UBR1: variants seen among roughly 807,000 people sequenced by gnomAD.
The protein encoded by UBR1 is E3 ubiquitin-protein ligase UBR1.
A neutral mutation model predicts 242.1 loss-of-function variants in UBR1; 102 were observed. That is an observed-to-expected ratio of 0.42 (90% CI 0.36 to 0.50). UBR1 has a LOEUF of 0.50. Among genes scored for constraint, UBR1 ranks in the 20% least tolerant of loss-of-function variants. The pLI is 0.01. For missense variants in UBR1, 1,772 were observed against 2,101.8 expected, an observed-to-expected ratio of 0.84 and a Z score of 3.07; for synonymous variants, 675 against 684.8, an observed-to-expected ratio of 0.99 and a Z score of 0.22.
At chr15:43,043,778 A>G (rs556863773) in intron 14 of UBR1, among the ~76,000 whole-genome samples, 30 of 152,324 alleles carry the variant, frequency 2.0e-4, no homozygotes, top group African/African-American at 6.7e-4. Flanking sequence ...TATTTACTAA[A>G]TATGAGTGGA....
At chr15:43,094,317 A>G (rs951436548) in intron 1 of UBR1, among the ~76,000 whole-genome samples, 9 of 152,018 alleles carry the variant, frequency 5.9e-5, no homozygotes, top group African/African-American at 2.2e-4. Context: ...CTGTAGTCCC[A>G]GCTCGGGAGG....
chr15:42,973,148 G>C (rs2032233704), intron 39 of UBR1, among the ~76,000 whole-genome samples: 1 of 152,184 alleles, frequency 6.6e-6, no homozygotes, highest in Non-Finnish European at 1.5e-5. Flanking sequence ...GTGGTGAGGT[G>C]TCTTTTCAAG....
chr15:43,022,934 C>T, intron 25 of UBR1, 133 bp from the exon 26 acceptor site: 1 of 560,610 alleles, frequency 1.8e-6, no homozygotes, highest in South Asian at 2.0e-5. Context: ...GCAATCCTAG[C>T]TTACTGCAGC....
intron 2 of UBR1, among the ~76,000 whole-genome samples, chr15:43,083,442 A>T (rs944426781): frequency 2.6e-5 from 4 of 152,128 alleles, no homozygotes; most frequent in African/African-American, 4.8e-5. Flanking sequence ...AGGCAGTGGC[A>T]TAATCATAGC....
At chr15:43,095,335 A>G (rs1216596833) in intron 1 of UBR1, among the ~76,000 whole-genome samples, 2 of 152,214 alleles carry the variant, frequency 1.3e-5, no homozygotes, top group African/African-American at 4.8e-5. Flanking sequence ...TTTGTTCTGA[A>G]GAGTGGCATT....
Position 42,981,225 on chromosome 15 carries a change from T to C in UBR1, c.4150+2672A>G, listed in dbSNP as rs149369327. Among the ~76,000 whole-genome samples, 1,264 of 152,286 alleles carry C rather than the reference T, an allele frequency of 8.3e-3. 14 individuals carry two copies. The highest frequency in any genetic ancestry group is 0.029 in the African/African-American group (1,201 of 41,544). On this transcript the variant is annotated intron_variant, in intron 37 of 46. Coordinates refer to ENST00000290650, the MANE Select transcript of UBR1 (RefSeq NM_174916.3). ...AGTTCAAACTTATGCCTGGGGCATT[T>C]AAGCCACTGTAATTTTATTAAAAAA...
At chr15:43,062,190 C>T (rs1567140573) in intron 6 of UBR1, among the ~76,000 whole-genome samples, 1 of 152,118 alleles carries the variant, frequency 6.6e-6, no homozygotes. Flanking sequence ...TTTGTGTATC[C>T]ATGTTCATAA....
chr15:42,956,607 T>A (rs935679968), intron 44 of UBR1, among the ~76,000 whole-genome samples: 1 of 152,244 alleles, frequency 6.6e-6, no homozygotes, highest in Non-Finnish European at 1.5e-5. Context: ...ATTACAGGCA[T>A]GAGCCACTGT....
chr15:43,034,670 G>A (rs899428040), intron 19 of UBR1, among the ~76,000 whole-genome samples: 2 of 151,846 alleles, frequency 1.3e-5, no homozygotes, highest in African/African-American at 2.4e-5. Context: ...CAGATCACCC[G>A]AGGTCAGAAG....
At chr15:43,085,863 G>A in intron 2 of UBR1, 121 bp downstream of exon 2, 6 of 1,090,000 alleles carry the variant, frequency 5.5e-6, no homozygotes, top group South Asian at 3.3e-5. Context: ...TTGCAGTGAC[G>A]TGACCGGAGA....
chr15:42,976,737 A>T lies in UBR1; in HGVS notation c.4349T>A (p.Ile1450Lys). ...HLITMAHMLQ[I>K]LLTVDTGLPL... ...CTTACCTGTGTCTACTGTAAGTAGT[A>T]TCTGAAGCATGTGTGCCATGGTGAT... is the stretch of plus-strand genomic sequence containing the variant. Residue 1450 changes from isoleucine (I) to lysine (K), a missense_variant, in exon 39 of 47, where the codon ATA (isoleucine) becomes AAA (lysine). Ile to Lys is a moderately radical substitution (Grantham distance 102). Coordinates refer to ENST00000290650, the MANE Select transcript of UBR1 (RefSeq NM_174916.3). The T allele has an allele frequency of 6.2e-7, 1 of 1,614,118 alleles. No individual in the cohort carries two copies. Among genetic ancestry groups the T allele is most frequent in the Non-Finnish European group, 8.5e-7 (1 of 1,179,994 alleles).
At chr15:42,982,889 A>G (rs2032398883) in intron 37 of UBR1, among the ~76,000 whole-genome samples, 1 of 152,204 alleles carries the variant, frequency 6.6e-6, no homozygotes, top group South Asian at 2.1e-4. Context: ...GAACAAACAG[A>G]TTTACAAACA....
chr15:43,010,775 C>A (rs1370529245), intron 29 of UBR1, among the ~76,000 whole-genome samples: 5 of 148,070 alleles, frequency 3.4e-5, no homozygotes, highest in African/African-American at 1.0e-4. Context: ...GAGTTCGAGA[C>A]CAGCCTGGCC....
At chr15:43,084,455 C>T (rs944138561) in intron 2 of UBR1, among the ~76,000 whole-genome samples, 2 of 152,066 alleles carry the variant, frequency 1.3e-5, no homozygotes, top group African/African-American at 4.8e-5. Flanking sequence ...AATGCAAAGA[C>T]TATTTTTTCG....
intron 12 of UBR1, 42 bp from the exon 13 acceptor site, chr15:43,048,533 T>G (rs552592171): frequency 6.7e-7 from 1 of 1,495,862 alleles, no homozygotes; most frequent in Non-Finnish European, 9.3e-7. Context: ...TTTATCTATT[T>G]TGAGATAATT....
intron 3 of UBR1, among the ~76,000 whole-genome samples, chr15:43,081,285 C>T (rs1267588095): frequency 6.6e-5 from 10 of 151,986 alleles, no homozygotes; most frequent in South Asian, 2.1e-4. Flanking sequence ...GGTGTGGTGG[C>T]GCACGCCTGT....
At chr15:42,976,096 G>A (rs1288183897) in intron 39 of UBR1, among the ~76,000 whole-genome samples, 1 of 152,270 alleles carries the variant, frequency 6.6e-6, no homozygotes, top group South Asian at 2.1e-4. Context: ...TATTACTAAT[G>A]TATCTTCAAA....
chr15:42,979,246 G>A (rs2032339047), intron 37 of UBR1, among the ~76,000 whole-genome samples: 1 of 145,100 alleles, frequency 6.9e-6, no homozygotes, highest in Non-Finnish European at 1.5e-5. Context: ...GTTTCACAAT[G>A]TTGACCAGGC....
intron 6 of UBR1, among the ~76,000 whole-genome samples, chr15:43,060,418 CA>C (rs1186816093): frequency 6.6e-6 from 1 of 152,192 alleles, no homozygotes; most frequent in Non-Finnish European, 1.5e-5. Flanking sequence ...AACAATGACT[CA>C]GGCTTTCTAA....
Sources: allele counts gnomAD v4.1 joint callset (sites outside exome capture counted in the v4.1 genomes callset), GRCh38; gene constraint gnomAD v4.1.1; transcripts MANE v1.5; gene names NCBI Gene and HGNC (gene_info 2026-07-23, HGNC 2026-07-21).